Variants in CPT1A observed in about 807,000 individuals in gnomAD.
The protein encoded by CPT1A is carnitine palmitoyltransferase 1A, also known as carnitine O-palmitoyltransferase 1, liver isoform.
Under a neutral mutation model 100.8 loss-of-function variants are expected in CPT1A, and 64 were observed. That is an observed-to-expected ratio of 0.63 (90% CI 0.52 to 0.78). The LOEUF is 0.78. Among genes scored for constraint, CPT1A ranks in the 30% least tolerant of loss-of-function variants. CPT1A has a pLI of 0.00. For missense variants in CPT1A, 802 were observed against 1,034.1 expected (o/e 0.78, Z 3.08); for synonymous variants, 363 against 396.0 (o/e 0.92, Z 0.99).
intron 14 of CPT1A, among the ~76,000 whole-genome samples, chr11:68,772,742 G>C (rs909693190): frequency 2.0e-5 from 3 of 152,072 alleles, no homozygotes; most frequent in African/African-American, 7.2e-5. Flanking sequence ...ATGGTGAAAG[G>C]AAGATTTACT....
At chr11:68,790,735 ATCATGC>A (rs1440595542) in intron 9 of CPT1A, among the ~76,000 whole-genome samples, 2 of 152,246 alleles carry the variant, frequency 1.3e-5, no homozygotes, top group African/African-American at 4.8e-5. Flanking sequence ...TGACTCAGGT[ATCATGC>A]TCAGAATGGC....
intron 10 of CPT1A, among the ~76,000 whole-genome samples, chr11:68,782,963 C>T (rs1045756314): frequency 5.3e-5 from 8 of 152,300 alleles, no homozygotes; most frequent in South Asian, 2.1e-4. Context: ...GCCCAGGCCC[C>T]GCGGCGCCGG....
chr11:68,817,668 GGGGGTCAAGGGCAGGTGTCT>G (rs556413689), intron 1 of CPT1A, among the ~76,000 whole-genome samples: 13,066 of 145,974 alleles, frequency 0.09, 634 homozygotes, highest in Non-Finnish European at 0.1. Context: ...GCAGGAGGCT[GGGGGTCAAGGGCAGGTGTCT>G]GGGGTCAAGG....
intron 2 of CPT1A, 30 bp downstream of exon 2, chr11:68,815,304 C>T (rs1856353181): frequency 6.2e-7 from 1 of 1,611,540 alleles, no homozygotes; most frequent in Non-Finnish European, 8.5e-7. Context: ...AAAAGGCATA[C>T]TGTGTAGATT....
At position 68,772,884 on chromosome 11, in the gene CPT1A, C is replaced by T. The variant is rs1212194387; in HGVS notation, c.1740+381G>A. On this transcript the variant is annotated intron_variant, in intron 14 of 18. Transcript: ENST00000265641. ...CTGTGTGAAGTGCAGATTTACCGAG[C>T]GCCAGACGAATACGTAACTGACTAT... Among the ~76,000 whole-genome samples the T allele has an allele frequency of 2.6e-5, 4 of 152,080 alleles. No homozygotes were observed. The South Asian group carries it at 6.2e-4, about 24-fold the overall frequency.
intron 13 of CPT1A, 88 bp from the exon 14 acceptor site, chr11:68,773,517 G>T (rs1305758039): frequency 1.1e-5 from 17 of 1,596,694 alleles, no homozygotes; most frequent in Non-Finnish European, 1.4e-5. Context: ...CTGGTTTTTA[G>T]TGCAGCTATA....
intron 14 of CPT1A, among the ~76,000 whole-genome samples, chr11:68,770,054 C>T (rs946304914): frequency 2.3e-3 from 94 of 41,380 alleles, no homozygotes; most frequent in African/African-American, 2.7e-3. Flanking sequence ...AGTAAGGCTC[C>T]GTCTCAAAAA....
Position 68,757,658 on chromosome 11 carries a change from T to C in CPT1A, c.2308A>G (p.Asn770Asp), listed in dbSNP as rs770768836. ...DIITLFGLSSNSKK is the reference protein window; with the variant it reads ...DIITLFGLSSDSKK ...CTCCAGTGGAATTACTTTTTGGAAT[T>C]AGAACTGAGACCAAACAAAGTGATG... is the stretch of plus-strand genomic sequence containing the variant. Residue 770 changes from asparagine (N) to aspartate (D), a missense_variant, in exon 19 of 19, where the codon AAT becomes GAT. Physicochemically the swap from Asn to Asp is conservative, Grantham distance 23. This residue lies in a region of CPT1A where 627 missense variants were observed against 799.3 expected (regional missense o/e 0.78). Coordinates refer to ENST00000265641, the MANE Select transcript of CPT1A (RefSeq NM_001876.4). 3 of 1,614,168 alleles carry C rather than the reference T, an allele frequency of 1.9e-6. No individual in the cohort carries two copies. Among genetic ancestry groups the C allele is most frequent in the East Asian group, 2.2e-5 (1 of 44,892 alleles).
intron 12 of CPT1A, among the ~76,000 whole-genome samples, chr11:68,776,452 A>G (rs1488151332): frequency 1.3e-5 from 2 of 152,266 alleles, no homozygotes; most frequent in East Asian, 3.8e-4. Flanking sequence ...CAGACATAGA[A>G]GACCACATAT....
rs1017404371 is a variant in CPT1A at position 68,757,303 on chromosome 11, A to G, written c.*341T>C. 2.5e-6 allele frequency: 3 copies of G among 1,185,640 alleles called. No homozygotes were observed. Among genetic ancestry groups the G allele is most frequent in the Non-Finnish European group, 3.2e-6 (3 of 949,224 alleles). The allele number at this position is 1,185,640 out of a possible 1,614,324, so 73.4% of individuals were successfully genotyped here. On this transcript the variant is annotated 3_prime_UTR_variant, in exon 19 of 19. Coordinates refer to ENST00000265641, the MANE Select transcript of CPT1A (RefSeq NM_001876.4). ...GGCCTTCGGTTGCCACTGAGAAAGCACACCATTTCCATTCCACTGTGTGTG... is the reference window on the plus strand; with the variant it reads ...GGCCTTCGGTTGCCACTGAGAAAGCGCACCATTTCCATTCCACTGTGTGTG...
In CPT1A at chr11:68,759,656, A is replaced by G. The variant is rs1946764266; in HGVS notation, c.2148T>C (p.Ala716=). The part of the protein sequence containing the change: ...VSSGGGFGPV[A]DDGYGVSYIL... ...TGTACGACACACCATAGCCGTCATC[A>G]GCAACCTGGAGGACAAGGGAATTTG... Residue 716 remains alanine (A), a synonymous_variant, in exon 18 of 19, where the codon GCT becomes GCC. Coordinates refer to ENST00000265641, the MANE Select transcript of CPT1A (RefSeq NM_001876.4). 6 of 1,609,616 alleles carry G rather than the reference A, an allele frequency of 3.7e-6. No individual in the cohort carries two copies. Among genetic ancestry groups the G allele is most frequent in the Non-Finnish European group, 5.1e-6 (6 of 1,175,930 alleles).
chr11:68,770,918 G>C (rs779188642), intron 14 of CPT1A, among the ~76,000 whole-genome samples: 1 of 152,208 alleles, frequency 6.6e-6, no homozygotes, highest in Non-Finnish European at 1.5e-5. Context: ...TGCTGCGTAC[G>C]AGCTGGAGCC....
chr11:68,786,934 C>G (rs903596617), intron 9 of CPT1A, among the ~76,000 whole-genome samples: 24 of 152,168 alleles, frequency 1.6e-4, no homozygotes, highest in Admixed American at 9.2e-4. Flanking sequence ...GCATTTGAAG[C>G]CTTCGCTTTA....
chr11:68,783,095 C>G (rs1316942470), intron 10 of CPT1A, among the ~76,000 whole-genome samples: 1 of 152,174 alleles, frequency 6.6e-6, no homozygotes, highest in Non-Finnish European at 1.5e-5. Context: ...GTCAACACCA[C>G]AGCAGATACC....
At chr11:68,763,687 G>A (rs932327384) in intron 14 of CPT1A, among the ~76,000 whole-genome samples, 1 of 152,306 alleles carries the variant, frequency 6.6e-6, no homozygotes, top group African/African-American at 2.4e-5. Context: ...GGGCCAGGCT[G>A]GAGAGGAGGT....
At chr11:68,783,755 G>C (rs1226084317) in intron 10 of CPT1A, among the ~76,000 whole-genome samples, 6 of 152,206 alleles carry the variant, frequency 3.9e-5, no homozygotes, top group African/African-American at 1.4e-4. Flanking sequence ...CGCTACACAG[G>C]GCAGTGCCCC....
chr11:68,840,091 A>G (rs1232271384), intron 1 of CPT1A, among the ~76,000 whole-genome samples: 1 of 152,238 alleles, frequency 6.6e-6, no homozygotes. Context: ...CCAGTAATTT[A>G]CATGCGAAAA....
intron 9 of CPT1A, chr11:68,785,817 T>G: frequency 1.8e-6 from 1 of 560,326 alleles, no homozygotes; most frequent in South Asian, 2.3e-5. Context: ...TTCCGATAAT[T>G]GTTTCTGAGA....
intron 1 of CPT1A, among the ~76,000 whole-genome samples, chr11:68,820,605 C>T (rs1856556266): frequency 1.3e-5 from 2 of 152,174 alleles, no homozygotes; most frequent in South Asian, 4.1e-4. Context: ...ATTGCCTGAA[C>T]TGGGAGGCAG....
Sources: gnomAD v4.1 joint callset for allele counts (sites outside exome capture counted in the v4.1 genomes callset) on GRCh38, gnomAD v4.1.1 for gene constraint, gnomAD v4.1.1 regional missense constraint, MANE v1.5 for transcripts, NCBI Gene and HGNC (gene_info 2026-07-23, HGNC 2026-07-21) for gene names.